The following NELL1 variants were observed in gnomAD, a reference collection of about 807,000 sequenced individuals.
NELL1 encodes neural EGFL like 1.
NELL1 carries 76 observed loss-of-function variants against 107.4 expected under a neutral mutation model. The observed-to-expected ratio is 0.71, with a 90% CI of 0.59 to 0.86. NELL1 has a LOEUF of 0.86. Among genes scored for constraint, NELL1 ranks in the 40% least tolerant of loss-of-function variants. NELL1 has a pLI of 0.00. For missense variants in NELL1, 1,024 were observed against 1,005.5 expected, an observed-to-expected ratio of 1.02 and a Z score of -0.25; for synonymous variants, 353 against 341.2, an observed-to-expected ratio of 1.03 and a Z score of -0.38.
chr11:21,534,796 A>G (rs140637650), intron 16 of NELL1, among the ~76,000 whole-genome samples: 35 of 152,186 alleles, frequency 2.3e-4, no homozygotes, highest in African/African-American at 7.9e-4. Flanking sequence ...AATTCTTTCT[A>G]AGGAAAACCG....
At chr11:21,514,448 G>A (rs1855508952) in intron 15 of NELL1, among the ~76,000 whole-genome samples, 1 of 152,194 alleles carries the variant, frequency 6.6e-6, no homozygotes. Context: ...TGTCAAGTAT[G>A]AGTAAAGTGA....
At chr11:20,755,865 GTTTTTTTTTTTTTTTTTTTTTTTTTT>G (rs574606148) in intron 2 of NELL1, among the ~76,000 whole-genome samples, 8 of 122,070 alleles carry the variant, frequency 6.6e-5, no homozygotes, top group South Asian at 5.2e-4. Context: ...CAGACCTGCG[GTTTTTTTTTTTTTTTTTTTTTTTTTT>G]TTTTTTTTTT....
At chr11:21,566,540 A>G (rs944366512) in intron 17 of NELL1, among the ~76,000 whole-genome samples, 11 of 151,948 alleles carry the variant, frequency 7.2e-5, no homozygotes, top group African/African-American at 2.7e-4. Context: ...TTAATTGCTT[A>G]TCATTGAACT....
chr11:21,524,356 A>G (rs1249963494), intron 15 of NELL1, among the ~76,000 whole-genome samples: 2 of 152,228 alleles, frequency 1.3e-5, no homozygotes, highest in East Asian at 1.9e-4. Flanking sequence ...AATATATGGA[A>G]GTTCAAAAAT....
At chr11:21,536,005 A>G (rs1005581263) in intron 16 of NELL1, among the ~76,000 whole-genome samples, 9 of 152,280 alleles carry the variant, frequency 5.9e-5, no homozygotes, top group African/African-American at 2.2e-4. Context: ...GAAAATTTTA[A>G]TTTTTACAGA....
intron 17 of NELL1, 69 bp downstream of exon 17, chr11:21,560,451 C>T (rs8176790): frequency 0.77 from 1,048,092 of 1,358,462 alleles, 413,758 homozygotes; most frequent in Non-Finnish European, 0.82. Flanking sequence ...TTCTACCTCC[C>T]CAGCTCTCTC....
Position 21,438,600 on chromosome 11 carries a change from A to G in NELL1, c.1645+67652A>G, listed in dbSNP as rs1434004273. On this transcript the variant is annotated intron_variant, in intron 15 of 19. Coordinates refer to ENST00000357134, the MANE Select transcript of NELL1 (RefSeq NM_006157.5). ...TCCATCAAGGACTCTCAAAATTTGA[A>G]TATTTCTTCACTTGATCATATTGCA... Among the ~76,000 whole-genome samples, 4 of 152,060 alleles carry G rather than the reference A, an allele frequency of 2.6e-5. No homozygotes were observed. The East Asian group carries it at 5.8e-4, about 22-fold the overall frequency.
rs937868883 is a variant in NELL1 at position 20,826,646 on chromosome 11, C to G, written c.336-20937C>G. 2.6e-5 allele frequency among the ~76,000 whole-genome samples: 4 copies of G among 151,274 alleles called. No individual in the cohort carries two copies. In the Admixed American group the frequency reaches 2.7e-4, roughly 10 times the overall value. On this transcript the variant is annotated intron_variant, in intron 3 of 19. Transcript: ENST00000357134. ...TTATTGCACAATTCTGGATTAGGAACCGGCTGGGGGATTGACACCCCTTCA... is the reference window on the plus strand; with the variant it reads ...TTATTGCACAATTCTGGATTAGGAAGCGGCTGGGGGATTGACACCCCTTCA...
At chr11:20,823,343 A>G (rs1382737677) in intron 3 of NELL1, among the ~76,000 whole-genome samples, 1 of 151,198 alleles carries the variant, frequency 6.6e-6, no homozygotes, top group Admixed American at 6.7e-5. Flanking sequence ...AACTGTCGCC[A>G]TGATTCAATG....
chr11:21,572,707 T>G (rs1564967762), intron 18 of NELL1, among the ~76,000 whole-genome samples: 1 of 151,882 alleles, frequency 6.6e-6, no homozygotes, highest in Non-Finnish European at 1.5e-5. Context: ...TAACTTTAAA[T>G]TTGATTGAAA....
At chr11:21,420,997 T>C (rs1481596684) in intron 15 of NELL1, among the ~76,000 whole-genome samples, 2 of 151,256 alleles carry the variant, frequency 1.3e-5, no homozygotes. Context: ...GCAATCAAAA[T>C]GGATAAAAGA....
intron 17 of NELL1, among the ~76,000 whole-genome samples, chr11:21,565,500 G>C (rs1591041168): frequency 6.6e-6 from 1 of 151,900 alleles, no homozygotes; most frequent in African/African-American, 2.4e-5. Flanking sequence ...TGGTTCAGTA[G>C]ATCTGGGGTG....
chr11:20,914,187 T>C (rs910426216), intron 5 of NELL1, among the ~76,000 whole-genome samples: 1 of 152,108 alleles, frequency 6.6e-6, no homozygotes, highest in African/African-American at 2.4e-5. Context: ...TAGAAAAGTT[T>C]ATTTTGCCAA....
intron 15 of NELL1, among the ~76,000 whole-genome samples, chr11:21,381,904 ATTTTTTTTTT>A (rs149327802): frequency 7.6e-4 from 69 of 91,378 alleles, no homozygotes; most frequent in Middle Eastern, 6.9e-3. Flanking sequence ...CCTGGAAGGG[ATTTTTTTTTT>A]TTTTTTTTTT....
intron 13 of NELL1, among the ~76,000 whole-genome samples, chr11:21,203,411 T>C (rs12808753): frequency 6.8e-6 from 1 of 147,222 alleles, no homozygotes; most frequent in East Asian, 2.0e-4. Flanking sequence ...TTGTTATCCG[T>C]CTAGAATTGC....
At chr11:21,036,209 A>T (rs1853088916) in intron 12 of NELL1, among the ~76,000 whole-genome samples, 1 of 152,174 alleles carries the variant, frequency 6.6e-6, no homozygotes, top group South Asian at 2.1e-4. Flanking sequence ...AGGAAACTAC[A>T]AAACACTGCT....
At chr11:21,112,563 T>C (rs1465716674) in intron 12 of NELL1, among the ~76,000 whole-genome samples, 1 of 152,072 alleles carries the variant, frequency 6.6e-6, no homozygotes, top group African/African-American at 2.4e-5. Context: ...GATATTTAAC[T>C]TCTCTAAGCC....
chr11:20,729,568 A>G (rs1855583967), intron 2 of NELL1, among the ~76,000 whole-genome samples: 1 of 152,124 alleles, frequency 6.6e-6, no homozygotes, highest in African/African-American at 2.4e-5. Flanking sequence ...AGATCATATG[A>G]TTTTAAAAAT....
At chr11:21,298,753 A>G (rs1316900917) in intron 14 of NELL1, among the ~76,000 whole-genome samples, 2 of 151,972 alleles carry the variant, frequency 1.3e-5, no homozygotes, top group Non-Finnish European at 2.9e-5. Flanking sequence ...TGGTCAAAAT[A>G]TTTGCATGCC....
Sources: gnomAD v4.1 joint callset for allele counts (sites outside exome capture counted in the v4.1 genomes callset) on GRCh38, gnomAD v4.1.1 for gene constraint, MANE v1.5 for transcripts, NCBI Gene and HGNC (gene_info 2026-07-23, HGNC 2026-07-21) for gene names.